Variants in PDXDC1 observed in about 807,000 individuals in gnomAD.
PDXDC1 encodes the protein pyridoxal-dependent decarboxylase domain-containing protein 1.
PDXDC1 carries 42 observed loss-of-function variants against 100.1 expected under a neutral mutation model. The ratio of observed to expected loss-of-function variants is 0.42; its 90% confidence interval spans 0.33 to 0.54. The LOEUF (loss-of-function observed/expected upper bound fraction) is 0.54. Ranked by LOEUF, PDXDC1 falls within the 20% of genes least tolerant of loss-of-function variation. The probability of loss-of-function intolerance (pLI) is 0.10; values close to 1 mark genes in which losing one functional copy is unlikely to be tolerated. For synonymous variants in PDXDC1, 260 were observed against 371.7 expected, an observed-to-expected ratio of 0.70 and a Z score of 3.46; for missense variants, 636 against 979.2, an observed-to-expected ratio of 0.65 and a Z score of 4.68.
chr16:14,979,504 G>A (rs574918378), intron 1 of PDXDC1, among the ~76,000 whole-genome samples: 3 of 152,412 alleles, frequency 2.0e-5, no homozygotes, highest in East Asian at 3.9e-4. Context: ...TGACCAGGCT[G>A]GTCTCAAGCT....
chr16:15,033,565 T>C (rs775516264), intron 19 of PDXDC1, among the ~76,000 whole-genome samples, 166 bp downstream of exon 19: 19 of 152,152 alleles, frequency 1.2e-4, no homozygotes, highest in Non-Finnish European at 1.8e-4. Flanking sequence ...AGATGCCAAG[T>C]AGGTTTGACA....
At position 15,029,960 on chromosome 16, in the gene PDXDC1, C is replaced by G; in HGVS notation, c.1303C>G (p.Gln435Glu). The change falls in exon 16 of 23, where the codon CAG becomes GAG. Residue 435 changes from glutamine to glutamate, a missense_variant. This residue lies in a region of PDXDC1 where 15 missense variants were observed against 49.6 expected (regional missense o/e 0.30). Coordinates refer to ENST00000396410, the MANE Select transcript of PDXDC1 (RefSeq NM_015027.4). ...TGTGTCCTCCTCACAGCTGGGAGAACAGCTGAAGCAGCTGGTGCCTGCAAG... is the reference window on the plus strand; with the variant it reads ...TGTGTCCTCCTCACAGCTGGGAGAAGAGCTGAAGCAGCTGGTGCCTGCAAG... ...CDALNRWLGE[Q>E]LKQLVPASGL... The G allele has an allele frequency of 6.4e-7, 1 of 1,553,408 alleles. No homozygotes were observed.
chr16:15,058,592 T>G (rs1189946710), intron 16 of PDXDC1, among the ~76,000 whole-genome samples: 2 of 152,062 alleles, frequency 1.3e-5, no homozygotes, highest in East Asian at 3.9e-4. Flanking sequence ...CCAGGCATGG[T>G]GGTGCGTACC....
chr16:14,982,973 C>T (rs1968342358), intron 1 of PDXDC1, among the ~76,000 whole-genome samples: 1 of 152,288 alleles, frequency 6.6e-6, no homozygotes, highest in Non-Finnish European at 1.5e-5. Context: ...TGGAGCTTTA[C>T]CTCTTGCTTT....
chr16:15,028,680 G>A (rs533181873), intron 14 of PDXDC1, among the ~76,000 whole-genome samples, 198 bp from the exon 15 acceptor site: 3 of 152,416 alleles, frequency 2.0e-5, no homozygotes, highest in Non-Finnish European at 4.4e-5. Flanking sequence ...TCTGTCTTAT[G>A]TGAATGTATT....
chr16:15,128,680 C>G (rs1330799617), intron 16 of PDXDC1, among the ~76,000 whole-genome samples: 3 of 152,088 alleles, frequency 2.0e-5, no homozygotes, highest in African/African-American at 7.2e-5. Flanking sequence ...GCACTGCACA[C>G]CTGTCCACGC....
intron 16 of PDXDC1, among the ~76,000 whole-genome samples, chr16:15,052,604 C>T (rs1041679315): frequency 6.6e-6 from 1 of 152,172 alleles, no homozygotes; most frequent in African/African-American, 2.4e-5. Flanking sequence ...GAGGCCGAGG[C>T]GAGATGATCG....
intron 16 of PDXDC1, chr16:15,083,899 A>G: frequency 3.5e-6 from 1 of 288,542 alleles, no homozygotes; most frequent in South Asian, 3.4e-5. Flanking sequence ...TATTTTTAGT[A>G]GAGACGGGGT....
Position 15,046,482 on chromosome 16 carries a change from C to T in PDXDC1, c.1399+16426C>T, listed in dbSNP as rs375929699. 7.9e-5 allele frequency among the ~76,000 whole-genome samples: 12 copies of T among 152,180 alleles called. No individual in the cohort carries two copies. In the East Asian group the frequency reaches 1.5e-3, roughly 20 times the overall value. The stretch of plus-strand genomic sequence containing the variant: ...TCCAGCACATCGAGCCTCAGTTGCC[C>T]GTCTCTGTCAAATGGAGGCAGCGGC... On this transcript the variant is annotated intron_variant, in intron 16 of 16. Coordinates refer to the PDXDC1 transcript ENST00000535621.
At chr16:15,060,803 C>G (rs2044682176) in intron 16 of PDXDC1, 1 of 152,228 alleles carries the variant, frequency 6.6e-6, no homozygotes, top group Admixed American at 6.5e-5. Context: ...AAACCGTACA[C>G]CAAATAATCT....
chr16:15,038,952 G>C (rs1365370205), downstream of PDXDC1, among the ~76,000 whole-genome samples: 1 of 152,154 alleles, frequency 6.6e-6, no homozygotes, highest in Non-Finnish European at 1.5e-5. Context: ...GAAAACTTGA[G>C]GCTCAGAGAA....
intron 16 of PDXDC1, chr16:15,094,224 G>C (rs755906899): frequency 1.3e-6 from 2 of 1,590,952 alleles, no homozygotes; most frequent in Admixed American, 1.8e-5. Flanking sequence ...TGAAGCAGCG[G>C]TGCCGCCATT....
intron 13 of PDXDC1, chr16:15,025,712 T>C (rs2042544224): frequency 6.6e-6 from 1 of 152,588 alleles, no homozygotes; most frequent in Admixed American, 6.5e-5. Context: ...ACTAGAGCTA[T>C]AGTACTGGGA....
intron 1 of PDXDC1, among the ~76,000 whole-genome samples, chr16:14,976,330 T>A (rs1358133028): frequency 6.6e-6 from 1 of 152,280 alleles, no homozygotes; most frequent in Non-Finnish European, 1.5e-5. Flanking sequence ...TTTTGTCTTT[T>A]TTCAAGGCAG....
At chr16:15,047,631 G>A (rs2044129118) in intron 16 of PDXDC1, 12 of 1,079,438 alleles carry the variant, frequency 1.1e-5, no homozygotes, top group South Asian at 2.5e-5. Flanking sequence ...CTGTCCCTCC[G>A]GACCGCCTCA....
rs1257833145 is a variant in PDXDC1 at position 14,984,066 on chromosome 16, G to A, written c.21+8846G>A. 3.9e-5 allele frequency among the ~76,000 whole-genome samples: 6 copies of A among 152,378 alleles called. No homozygotes were observed. In the East Asian group the frequency reaches 1.2e-3, roughly 29 times the overall value. ...TAGTCCCAGCTACTTGGGAGGCTGA[G>A]GTGAGAGGATCGCTTGAGCCCAGGA... On this transcript the variant is annotated intron_variant, in intron 1 of 22. Transcript: ENST00000396410.
chr16:15,141,612 G>A (rs562157975), downstream of PDXDC1, among the ~76,000 whole-genome samples: 70 of 152,288 alleles, frequency 4.6e-4, 1 homozygote, highest in Non-Finnish European at 7.2e-4. Context: ...CAGGGCCACC[G>A]CTTCCCCCCT....
intron 1 of PDXDC1, among the ~76,000 whole-genome samples, chr16:14,993,002 C>T (rs1166661347): frequency 2.0e-5 from 3 of 152,258 alleles, no homozygotes; most frequent in African/African-American, 4.8e-5. Flanking sequence ...CAGGTGTGCA[C>T]CACCACACCC....
chr16:15,104,858 T>A (rs1339265109), intron 16 of PDXDC1: 3 of 1,515,834 alleles, frequency 2.0e-6, no homozygotes, highest in Non-Finnish European at 2.6e-6. Flanking sequence ...GGTGATAGAT[T>A]TTTGCACCTT....
Sources: gnomAD v4.1 joint callset for allele counts (sites outside exome capture counted in the v4.1 genomes callset) on GRCh38, gnomAD v4.1.1 for gene constraint, gnomAD v4.1.1 regional missense constraint, MANE v1.5 for transcripts, NCBI Gene and HGNC (gene_info 2026-07-23, HGNC 2026-07-21) for gene names.